ARID2: variants seen among roughly 807,000 people sequenced by gnomAD.
ARID2 encodes AT-rich interactive domain-containing protein 2.
Under a neutral mutation model 184.6 loss-of-function variants are expected in ARID2, and 32 were observed. That is an observed-to-expected ratio of 0.17 (90% CI 0.13 to 0.23). The LOEUF (loss-of-function observed/expected upper bound fraction) is 0.23. ARID2 is among the 10% of genes least tolerant of loss of function. ARID2 has a pLI of 1.00. For missense variants in ARID2, 1,696 were observed against 2,197.6 expected, an observed-to-expected ratio of 0.77 and a Z score of 4.56; for synonymous variants, 836 against 772.6, an observed-to-expected ratio of 1.08 and a Z score of -1.36.
intron 20 of ARID2, among the ~76,000 whole-genome samples, chr12:45,900,707 A>AT (rs1382512627): frequency 3.3e-5 from 5 of 152,116 alleles, no homozygotes; most frequent in African/African-American, 1.2e-4. Flanking sequence ...TCCTTCAATC[A>AT]TTTAAGACCC....
At chr12:45,855,277 A>G (rs1565626351) in intron 15 of ARID2, among the ~76,000 whole-genome samples, 1 of 152,214 alleles carries the variant, frequency 6.6e-6, no homozygotes, top group African/African-American at 2.4e-5. Context: ...AAATCAATAC[A>G]TTTTGTTCCT....
intron 16 of ARID2, among the ~76,000 whole-genome samples, chr12:45,868,310 G>A (rs1017088067): frequency 3.9e-5 from 6 of 152,046 alleles, no homozygotes; most frequent in African/African-American, 1.2e-4. Flanking sequence ...GCATGGTGGC[G>A]GGTACCTGTA....
At chr12:45,814,184 A>G (rs757880502) in intron 4 of ARID2, among the ~76,000 whole-genome samples, 1 of 152,198 alleles carries the variant, frequency 6.6e-6, no homozygotes, top group African/African-American at 2.4e-5. Flanking sequence ...TTGGACTACA[A>G]CAATCACTGC....
intron 16 of ARID2, among the ~76,000 whole-genome samples, chr12:45,866,157 A>G (rs1227355525): frequency 1.3e-5 from 2 of 151,688 alleles, no homozygotes; most frequent in East Asian, 1.9e-4. Flanking sequence ...TAATATGACT[A>G]TATATATATA....
In ARID2 at chr12:45,901,154, A is replaced by ATTT. The variant is rs71067909; in HGVS notation, c.5364-3748_5364-3746dup. 2.0e-3 allele frequency among the ~76,000 whole-genome samples: 90 copies of ATTT among 44,962 alleles called. 21 individuals are homozygous for ATTT. Among genetic ancestry groups the ATTT allele is most frequent in the African/African-American group, 3.6e-3 (26 of 7,160 alleles). The allele number at this position is 44,962 out of a possible 152,430, so 29.5% of individuals were successfully genotyped here. Reference sequence around the variant, plus strand: ...AATCTATTTTTTGGAAATTTCCTTAATTTTTTTTTTTTTTTTTTTTTTTTT... The same window carrying ATTT: ...AATCTATTTTTTGGAAATTTCCTTAATTTTTTTTTTTTTTTTTTTTTTTTTTTT... On this transcript the variant is annotated intron_variant, in intron 20 of 20. Coordinates refer to ENST00000334344, the MANE Select transcript of ARID2 (RefSeq NM_152641.4).
chr12:45,795,455 G>A (rs1290640131), intron 3 of ARID2, among the ~76,000 whole-genome samples: 2 of 150,694 alleles, frequency 1.3e-5, no homozygotes, highest in Non-Finnish European at 2.9e-5. Context: ...TTTTTTAGAC[G>A]GAGTCTCGCT....
chr12:45,776,821 C>T (rs1392521105), intron 3 of ARID2, among the ~76,000 whole-genome samples: 3 of 136,382 alleles, frequency 2.2e-5, no homozygotes, highest in Non-Finnish European at 3.0e-5. Context: ...CTTGCGGGGT[C>T]GTCCAGGCTA....
Position 45,846,901 on chromosome 12 carries a change from T to A in ARID2, c.1544T>A (p.Ile515Lys), listed in dbSNP as rs1366400054. The A allele has an allele frequency of 1.2e-6, 2 of 1,613,016 alleles. No homozygotes were observed. Among genetic ancestry groups the A allele is most frequent in the Non-Finnish European group, 1.7e-6 (2 of 1,179,340 alleles). The change falls in exon 12 of 21, where the codon ATA becomes AAA. Residue 515 changes from isoleucine (I) to lysine (K), a missense_variant. Physicochemically the swap from Ile to Lys is moderately radical, Grantham distance 102. Transcript: ENST00000334344. ...CAGCATGTTGCTCCACCTCCAGGAA[T>A]AGTGGAAATAGATAGTGAGAAGTTT... ...VAQHVAPPPG[I>K]VEIDSEKFAC...
chr12:45,795,514 G>A (rs967374305), intron 3 of ARID2, among the ~76,000 whole-genome samples: 1 of 151,776 alleles, frequency 6.6e-6, no homozygotes, highest in Non-Finnish European at 1.5e-5. Flanking sequence ...TCACTGCAAA[G>A]CTCCGCCTCC....
chr12:45,868,163 A>C (rs776175837), intron 16 of ARID2, among the ~76,000 whole-genome samples: 3 of 152,064 alleles, frequency 2.0e-5, no homozygotes, highest in Non-Finnish European at 4.4e-5. Context: ...ACTCTTGGCC[A>C]GGCGTGGTGG....
intron 3 of ARID2, among the ~76,000 whole-genome samples, chr12:45,798,244 C>G (rs755258910): frequency 6.6e-6 from 1 of 151,998 alleles, no homozygotes; most frequent in African/African-American, 2.4e-5. Context: ...CAAAAACTAC[C>G]GTAATATTCT....
intron 12 of ARID2, among the ~76,000 whole-genome samples, chr12:45,848,498 A>G (rs1346046004): frequency 6.6e-6 from 1 of 152,102 alleles, no homozygotes; most frequent in African/African-American, 2.4e-5. Flanking sequence ...TTATGTTATG[A>G]TTATTACAAG....
chr12:45,831,595 C>A (rs1943124024), intron 6 of ARID2, among the ~76,000 whole-genome samples: 1 of 152,090 alleles, frequency 6.6e-6, no homozygotes, highest in Admixed American at 6.6e-5. Flanking sequence ...GTTTTGCTAT[C>A]AGATACTAAA....
intron 3 of ARID2, among the ~76,000 whole-genome samples, chr12:45,805,602 C>A (rs900011261): frequency 6.6e-6 from 1 of 152,034 alleles, no homozygotes; most frequent in African/African-American, 2.4e-5. Context: ...ACCATTCCGA[C>A]ATTTTAAAAA....
At chr12:45,784,247 C>G (rs973852772) in intron 3 of ARID2, among the ~76,000 whole-genome samples, 1 of 152,078 alleles carries the variant, frequency 6.6e-6, no homozygotes, top group South Asian at 2.1e-4. Flanking sequence ...TCTTGAACAC[C>G]TGGCCCCAAG....
rs111783617 is a variant in ARID2 at position 45,867,031 on chromosome 12, A to G, written c.4922+6082A>G. On this transcript the variant is annotated intron_variant, in intron 16 of 20. Transcript: ENST00000334344. ...AGTGGGGTGATCTCGGCTCACTGCA[A>G]CCTCCACCTCCCAAGTTCAAACGAT... Among the ~76,000 whole-genome samples the G allele has an allele frequency of 7.7e-3, 1,173 of 151,714 alleles. 12 individuals are homozygous for G. Among genetic ancestry groups the G allele is most frequent in the African/African-American group, 0.027 (1,113 of 41,318 alleles).
chr12:45,873,253 A>C (rs1278645456), intron 16 of ARID2, among the ~76,000 whole-genome samples: 1 of 152,026 alleles, frequency 6.6e-6, no homozygotes, highest in Non-Finnish European at 1.5e-5. Context: ...CTTTACTTTT[A>C]ATCTGTGTCT....
rs144895895 is a variant in ARID2 at position 45,852,470 on chromosome 12, T to C, written c.4347T>C (p.Asn1449=). 22 of 1,614,070 alleles carry C rather than the reference T, an allele frequency of 1.4e-5. No individual in the cohort carries two copies. The highest frequency in any genetic ancestry group is 1.9e-5 in the Non-Finnish European group (22 of 1,180,018). The change falls in exon 15 of 21, where the codon AAT becomes AAC. Residue 1449 remains asparagine, a synonymous_variant. Coordinates refer to ENST00000334344, the MANE Select transcript of ARID2 (RefSeq NM_152641.4). The part of the protein sequence containing the change: ...TQQFSGTDLL[N]GPLASSLNSD... Reference sequence around the variant, plus strand: ...AATTTAGTGGTACTGATTTGCTTAATGGACCTCTAGCTTCAAGTTTGAATT... The same window carrying C: ...AATTTAGTGGTACTGATTTGCTTAACGGACCTCTAGCTTCAAGTTTGAATT...
chr12:45,789,702 A>G (rs1942259147), intron 3 of ARID2: 1 of 152,152 alleles, frequency 6.6e-6, no homozygotes. Context: ...CTTTTGCTTC[A>G]GTATTTTGCG....
Sources: gnomAD v4.1 joint callset for allele counts (sites outside exome capture counted in the v4.1 genomes callset) on GRCh38, gnomAD v4.1.1 for gene constraint, MANE v1.5 for transcripts, NCBI Gene and HGNC (gene_info 2026-07-23, HGNC 2026-07-21) for gene names.